The following IL31RA variants were observed in gnomAD, a reference collection of about 807,000 sequenced individuals.
The protein encoded by IL31RA is interleukin 31 receptor A, also known as interleukin-31 receptor subunit alpha.
A neutral mutation model predicts 83.7 loss-of-function variants in IL31RA; 66 were observed. The ratio of observed to expected loss-of-function variants is 0.79; its 90% CI spans 0.65 to 0.97. The LOEUF (loss-of-function observed/expected upper bound fraction) is 0.97. Ranked by LOEUF, IL31RA falls within the 50% of genes least tolerant of loss-of-function variation. The pLI is 0.00. For missense variants in IL31RA, 798 were observed against 919.4 expected (o/e 0.87, Z 1.71); for synonymous variants, 325 against 329.0 (o/e 0.99, Z 0.13).
Position 55,914,978 on chromosome 5 carries a change from G to A in IL31RA, c.1818+50G>A, listed in dbSNP as rs563942379. 2.3e-5 allele frequency: 30 copies of A among 1,328,140 alleles called. No individual in the cohort carries two copies. The African/African-American group carries it at 3.6e-4, about 16-fold the overall frequency. 82.3% of individuals were successfully genotyped at this position (1,328,140 alleles called of 1,614,324 possible). A position where few individuals can be genotyped will look rare whatever the true frequency, so the allele number is the denominator to read the frequency against. On this transcript the variant is annotated intron_variant, in intron 14 of 14. Transcript: ENST00000652347. ...GAAATCATTGCCGTGGGAGGTAGAC[G>A]AGGTGAATGGAGATGGGGAAAGAGT...
rs1750129793 is a variant in IL31RA at position 55,922,260 on chromosome 5, C to G, written c.*5140C>G. On this transcript the variant is annotated 3_prime_UTR_variant, in exon 15 of 15. Transcript: ENST00000652347. Reference sequence around the variant, plus strand: ...TGCTGCCCAAGACGCTTGTCGTGTGCTGATGAAAAGGGCTGGGGAGAAGCA... The same window carrying G: ...TGCTGCCCAAGACGCTTGTCGTGTGGTGATGAAAAGGGCTGGGGAGAAGCA... 3 of 735,966 alleles carry G rather than the reference C, an allele frequency of 4.1e-6. No homozygotes were observed. Among genetic ancestry groups the G allele is most frequent in the Non-Finnish European group, 7.4e-6 (3 of 408,002 alleles). 45.6% of individuals were successfully genotyped at this position (735,966 alleles called of 1,614,324 possible).
intron 2 of IL31RA, among the ~76,000 whole-genome samples, chr5:55,868,246 G>C (rs1746308254): frequency 6.7e-6 from 1 of 150,246 alleles, no homozygotes; most frequent in African/African-American, 2.5e-5. Flanking sequence ...GTAGTATCTG[G>C]TTTCCCTATG....
At chr5:55,873,725 C>G (rs1425428009) in intron 4 of IL31RA, among the ~76,000 whole-genome samples, 2 of 151,928 alleles carry the variant, frequency 1.3e-5, no homozygotes. Context: ...TTATTCAAAT[C>G]CTTTGCCTAT....
At chr5:55,899,710 A>C (rs1748689125) in intron 7 of IL31RA, among the ~76,000 whole-genome samples, 2 of 152,156 alleles carry the variant, frequency 1.3e-5, no homozygotes, top group South Asian at 4.1e-4. Flanking sequence ...AATTAGATGA[A>C]ATTTAGTAAA....
At chr5:55,912,461 A>G (rs1011716111) in intron 12 of IL31RA, among the ~76,000 whole-genome samples, 15 of 152,096 alleles carry the variant, frequency 9.9e-5, no homozygotes, top group African/African-American at 3.6e-4. Context: ...CCTTCTCACT[A>G]TTAAGATCAG....
At chr5:55,887,394 A>G (rs1000018698) in intron 5 of IL31RA, among the ~76,000 whole-genome samples, 1 of 152,310 alleles carries the variant, frequency 6.6e-6, no homozygotes, top group East Asian at 1.9e-4. Context: ...GCACCTTTGT[A>G]TAATAAAGCC....
At chr5:55,871,851 A>G (rs1461877296) in intron 3 of IL31RA, among the ~76,000 whole-genome samples, 2 of 138,116 alleles carry the variant, frequency 1.4e-5, no homozygotes, top group Non-Finnish European at 3.1e-5. Context: ...TTATGTATCT[A>G]CCATAATGTA....
At chr5:55,866,297 A>C (rs918338802) in intron 2 of IL31RA, among the ~76,000 whole-genome samples, 1 of 151,922 alleles carries the variant, frequency 6.6e-6, no homozygotes, top group Admixed American at 6.6e-5. Flanking sequence ...CTTCCCCTAG[A>C]CTAGTGGTCC....
upstream of IL31RA, among the ~76,000 whole-genome samples, chr5:55,847,243 AAAAATAAATAAAT>A (rs1561530221): frequency 1.0e-4 from 2 of 19,652 alleles, no homozygotes; most frequent in African/African-American, 2.1e-4. Flanking sequence ...AAAAAAAAAT[AAAAATAAATAAAT>A]AAATAAATAA....
intron 2 of IL31RA, among the ~76,000 whole-genome samples, chr5:55,867,873 G>A (rs57341574): frequency 0.05 from 7,646 of 152,080 alleles, 431 homozygotes; most frequent in African/African-American, 0.14. Context: ...GAATAGCACA[G>A]GAAAAACCAG....
chr5:55,876,710 A>T (rs964527739), intron 4 of IL31RA, among the ~76,000 whole-genome samples: 3 of 152,070 alleles, frequency 2.0e-5, no homozygotes, highest in Non-Finnish European at 2.9e-5. Flanking sequence ...GTATTTTCAG[A>T]TCTAAAGTTA....
At chr5:55,874,223 G>A (rs1746701432) in intron 4 of IL31RA, among the ~76,000 whole-genome samples, 1 of 152,140 alleles carries the variant, frequency 6.6e-6, no homozygotes, top group Non-Finnish European at 1.5e-5. Flanking sequence ...CACCATAAAT[G>A]TAAGGTATTT....
At chr5:55,859,668 C>T in intron 2 of IL31RA, 69 bp downstream of exon 2, 3 of 1,091,422 alleles carry the variant, frequency 2.7e-6, no homozygotes, top group Middle Eastern at 2.0e-4. Flanking sequence ...GAGTTGTTAA[C>T]TTTAAAGCGA....
At chr5:55,846,707 GAC>G (rs1303696094), upstream of IL31RA, among the ~76,000 whole-genome samples, 3 of 152,158 alleles carry the variant, frequency 2.0e-5, no homozygotes, top group Non-Finnish European at 2.9e-5. Context: ...TGAAACAGGA[GAC>G]TCGCTTGAAC....
upstream of IL31RA, among the ~76,000 whole-genome samples, chr5:55,848,745 G>A (rs1744990778): frequency 6.6e-6 from 1 of 152,128 alleles, no homozygotes; most frequent in Non-Finnish European, 1.5e-5. Context: ...CACTAACAAG[G>A]TGTGAGATGG....
chr5:55,878,281 C>T (rs1391908224), intron 4 of IL31RA, among the ~76,000 whole-genome samples: 1 of 152,052 alleles, frequency 6.6e-6, no homozygotes, highest in South Asian at 2.1e-4. Context: ...AACTTTAGCT[C>T]TTTGAACATA....
chr5:55,909,560 A>G (rs56270357), intron 11 of IL31RA, among the ~76,000 whole-genome samples: 31,959 of 151,982 alleles, frequency 0.21, 4,220 homozygotes, highest in East Asian at 0.48. Flanking sequence ...ATTTCCCTGC[A>G]TCCTTGTCAA....
intron 14 of IL31RA, among the ~76,000 whole-genome samples, chr5:55,915,786 C>T (rs951425863): frequency 1.3e-5 from 2 of 152,186 alleles, no homozygotes; most frequent in Admixed American, 6.5e-5. Flanking sequence ...GATTCATAGG[C>T]AGTGCTCTCT....
intron 6 of IL31RA, 109 bp downstream of exon 6, chr5:55,890,244 A>T: frequency 9.1e-7 from 1 of 1,100,206 alleles, no homozygotes; most frequent in Non-Finnish European, 1.4e-6. Flanking sequence ...GAATCTCATG[A>T]CCCCAGGGGC....
Sources: gnomAD v4.1 joint callset for allele counts (sites outside exome capture counted in the v4.1 genomes callset) on GRCh38, gnomAD v4.1.1 for gene constraint, MANE v1.5 for transcripts, NCBI Gene and HGNC (gene_info 2026-07-23, HGNC 2026-07-21) for gene names.